Variants in LHFPL6 observed in about 807,000 individuals in gnomAD.
LHFPL6 encodes LHFPL tetraspan subfamily member 6.
A neutral mutation model predicts 20.6 loss-of-function variants in LHFPL6; 9 were observed. The observed-to-expected ratio is 0.44, with a 90% CI of 0.26 to 0.76. LHFPL6 has a LOEUF of 0.76. LHFPL6 is among the 30% of genes least tolerant of loss of function. LHFPL6 has a pLI of 0.20. For missense variants in LHFPL6, 218 were observed against 253.5 expected (o/e 0.86, Z 0.95); for synonymous variants, 105 against 98.7 (o/e 1.06, Z -0.38).
chr13:39,441,823 C>CTTTTT (rs1168860757), intron 2 of LHFPL6, among the ~76,000 whole-genome samples: 11 of 110,048 alleles, frequency 1.0e-4, no homozygotes, highest in South Asian at 3.3e-4. Flanking sequence ...TGGGCTAAAA[C>CTTTTT]TTTTTTTTTT....
intron 2 of LHFPL6, among the ~76,000 whole-genome samples, chr13:39,479,262 C>A (rs547452569): frequency 2.0e-5 from 3 of 152,212 alleles, no homozygotes; most frequent in South Asian, 4.2e-4. Flanking sequence ...CAAGATGGCA[C>A]AAATGCCTTT....
intron 2 of LHFPL6, among the ~76,000 whole-genome samples, chr13:39,412,218 T>C (rs1871253664): frequency 1.3e-5 from 2 of 152,222 alleles, no homozygotes; most frequent in Admixed American, 6.5e-5. Flanking sequence ...AATCTAGTAA[T>C]TGTTTATGAC....
At chr13:39,507,125 C>T (rs893744486) in intron 2 of LHFPL6, among the ~76,000 whole-genome samples, 3 of 152,298 alleles carry the variant, frequency 2.0e-5, no homozygotes, top group South Asian at 4.1e-4. Flanking sequence ...GCAAGGTATG[C>T]CTTTTGTTTA....
chr13:39,565,136 C>A (rs963550874), intron 2 of LHFPL6, among the ~76,000 whole-genome samples: 5 of 152,008 alleles, frequency 3.3e-5, no homozygotes, highest in Non-Finnish European at 5.9e-5. Flanking sequence ...ACAAACTGTC[C>A]TGAAATAAGC....
intron 2 of LHFPL6, among the ~76,000 whole-genome samples, chr13:39,542,191 A>G (rs1189970436): frequency 1.3e-5 from 2 of 151,698 alleles, no homozygotes; most frequent in Non-Finnish European, 2.9e-5. Flanking sequence ...AACAGAAGGA[A>G]GGATTAGGGA....
Position 39,392,593 on chromosome 13 carries a change from T to TCAAAA in LHFPL6, c.386-14072_386-14068dup, listed in dbSNP as rs3032906. On this transcript the variant is annotated intron_variant, in intron 2 of 3. Transcript: ENST00000379589. The stretch of plus-strand genomic sequence containing the variant: ...TGGGCAACAAGAGCTAAACTCCGTC[T>TCAAAA]CAAAACAAAACAAAACAAAACAAAA... Among the ~76,000 whole-genome samples, 363 of 151,116 alleles carry TCAAAA rather than the reference T, an allele frequency of 2.4e-3. 3 individuals carry two copies. The highest frequency in any genetic ancestry group is 6.0e-3 in the African/African-American group (248 of 41,074).
chr13:39,433,643 G>T (rs1871874215), intron 2 of LHFPL6, among the ~76,000 whole-genome samples: 1 of 152,140 alleles, frequency 6.6e-6, no homozygotes, highest in South Asian at 2.1e-4. Flanking sequence ...TTATTACCAA[G>T]AATCCAATAT....
chr13:39,362,534 C>A (rs1593285590), intron 3 of LHFPL6, among the ~76,000 whole-genome samples: 2 of 152,184 alleles, frequency 1.3e-5, no homozygotes, highest in East Asian at 3.8e-4. Flanking sequence ...GACTTTTACT[C>A]TTGTAAGTTT....
At chr13:39,483,654 A>G (rs1363840708) in intron 2 of LHFPL6, among the ~76,000 whole-genome samples, 4 of 152,098 alleles carry the variant, frequency 2.6e-5, no homozygotes, top group South Asian at 2.1e-4. Flanking sequence ...TTGGTTTCAG[A>G]AGCTAAGTGG....
intron 2 of LHFPL6, among the ~76,000 whole-genome samples, chr13:39,390,769 C>T (rs752697108): frequency 2.8e-4 from 43 of 152,040 alleles, no homozygotes; most frequent in Non-Finnish European, 4.9e-4. Flanking sequence ...CCGAGACGGG[C>T]GGATTGCTTG....
At chr13:39,508,007 G>T in intron 2 of LHFPL6, among the ~76,000 whole-genome samples, 1 of 117,812 alleles carries the variant, frequency 8.5e-6, no homozygotes. Context: ...TTTTAATAGT[G>T]TTATTAAGTT....
intron 2 of LHFPL6, among the ~76,000 whole-genome samples, chr13:39,492,282 T>C (rs898904379): frequency 2.6e-5 from 4 of 152,202 alleles, no homozygotes; most frequent in African/African-American, 9.7e-5. Context: ...ATAAAAACTC[T>C]AGAGCATATG....
At chr13:39,472,586 C>T (rs1872974328) in intron 2 of LHFPL6, among the ~76,000 whole-genome samples, 1 of 151,918 alleles carries the variant, frequency 6.6e-6, no homozygotes, top group South Asian at 2.1e-4. Context: ...AAGGTTTCTT[C>T]CCCTCTTTAT....
At chr13:39,369,084 T>TA (rs772671928) in intron 3 of LHFPL6, among the ~76,000 whole-genome samples, 13 of 147,504 alleles carry the variant, frequency 8.8e-5, no homozygotes, top group Non-Finnish European at 1.5e-4. Context: ...TTTTTTTTTT[T>TA]AAACTAATAA....
chr13:39,380,605 A>G (rs671975), intron 2 of LHFPL6, among the ~76,000 whole-genome samples: 149,052 of 151,642 alleles, frequency 0.98, 73,314 homozygotes, highest in Middle Eastern at 1. Context: ...CTGCCTCCCC[A>G]TCTCTGCCTC....
At position 39,444,134 on chromosome 13, in the gene LHFPL6, G is replaced by A. The variant is rs537789538; in HGVS notation, c.386-65608C>T. Reference sequence around the variant, plus strand: ...TCCATGTCCTAGAACTTTGTGGAACGGGGGACTCAAGAGTGAGGAACTAGG... The same window carrying A: ...TCCATGTCCTAGAACTTTGTGGAACAGGGGACTCAAGAGTGAGGAACTAGG... On this transcript the variant is annotated intron_variant, in intron 2 of 3. Transcript: ENST00000379589. 7.9e-5 allele frequency among the ~76,000 whole-genome samples: 12 copies of A among 152,262 alleles called. No individual in the cohort carries two copies. The East Asian group carries it at 1.7e-3, about 22-fold the overall frequency.
At chr13:39,392,551 C>G (rs1870737094) in intron 2 of LHFPL6, among the ~76,000 whole-genome samples, 1 of 151,980 alleles carries the variant, frequency 6.6e-6, no homozygotes, top group Non-Finnish European at 1.5e-5. Flanking sequence ...CCAAGATTGC[C>G]CCATTGCACT....
intron 2 of LHFPL6, among the ~76,000 whole-genome samples, chr13:39,506,172 T>C (rs1869471509): frequency 6.6e-6 from 1 of 152,244 alleles, no homozygotes; most frequent in Non-Finnish European, 1.5e-5. Context: ...GGGAACAATA[T>C]GATTTCCAAT....
intron 2 of LHFPL6, among the ~76,000 whole-genome samples, chr13:39,545,165 G>A (rs1870939832): frequency 6.9e-6 from 1 of 145,594 alleles, no homozygotes; most frequent in Admixed American, 7.2e-5. Flanking sequence ...AGAATGGTGT[G>A]AACCCAGGAG....
Sources: gnomAD v4.1 joint callset for allele counts (sites outside exome capture counted in the v4.1 genomes callset) on GRCh38, gnomAD v4.1.1 for gene constraint, MANE v1.5 for transcripts, NCBI Gene and HGNC (gene_info 2026-07-23, HGNC 2026-07-21) for gene names.